Variants in KHDRBS3 observed in about 807,000 individuals in gnomAD.
The protein encoded by KHDRBS3 is KH RNA binding domain containing, signal transduction associated 3.
A neutral mutation model predicts 45.6 loss-of-function variants in KHDRBS3; 23 were observed. The ratio of observed to expected loss-of-function variants is 0.50; its 90% CI spans 0.36 to 0.72. KHDRBS3 has a LOEUF of 0.72. KHDRBS3 is among the 30% of genes least tolerant of loss of function. The pLI, the probability that KHDRBS3 is intolerant of heterozygous loss-of-function variation, is 0.00. For synonymous variants in KHDRBS3, 162 were observed against 156.5 expected, an observed-to-expected ratio of 1.04 and a Z score of -0.26; for missense variants, 352 against 424.8, an observed-to-expected ratio of 0.83 and a Z score of 1.51.
chr8:135,494,135 A>G (rs538223020), intron 1 of KHDRBS3, among the ~76,000 whole-genome samples: 8 of 151,914 alleles, frequency 5.3e-5, no homozygotes, highest in African/African-American at 1.9e-4. Flanking sequence ...TTTTTTCTTA[A>G]TCAGTCTGGC....
intron 1 of KHDRBS3, among the ~76,000 whole-genome samples, chr8:135,482,785 C>T (rs1233088859): frequency 1.3e-5 from 2 of 152,068 alleles, no homozygotes; most frequent in East Asian, 3.9e-4. Context: ...CACTTTGCAC[C>T]TCTGAAAAGT....
intron 2 of KHDRBS3, among the ~76,000 whole-genome samples, chr8:135,528,265 A>G (rs1825292531): frequency 6.6e-6 from 1 of 152,178 alleles, no homozygotes; most frequent in Non-Finnish European, 1.5e-5. Context: ...GAGATAAAAC[A>G]TGTCTGTTCC....
intron 5 of KHDRBS3, among the ~76,000 whole-genome samples, chr8:135,581,509 T>C (rs898571111): frequency 3.9e-5 from 6 of 152,150 alleles, no homozygotes; most frequent in Admixed American, 1.3e-4. Context: ...AGTTTCCTTG[T>C]CCTGAGATAA....
intron 2 of KHDRBS3, among the ~76,000 whole-genome samples, chr8:135,526,480 A>T (rs1274966955): frequency 6.6e-6 from 1 of 152,170 alleles, no homozygotes; most frequent in Non-Finnish European, 1.5e-5. Flanking sequence ...GCTTAGCATA[A>T]TGGAGCATAC....
chr8:135,474,412 T>G (rs1822167879), intron 1 of KHDRBS3, among the ~76,000 whole-genome samples: 1 of 152,240 alleles, frequency 6.6e-6, no homozygotes, highest in Non-Finnish European at 1.5e-5. Flanking sequence ...CAGTATGTCT[T>G]GTTTAGTTTC....
At chr8:135,628,137 C>T (rs762584096) in intron 7 of KHDRBS3, among the ~76,000 whole-genome samples, 3 of 152,006 alleles carry the variant, frequency 2.0e-5, no homozygotes, top group Non-Finnish European at 2.9e-5. Flanking sequence ...CAGGAATCTT[C>T]TCATGTCCCC....
At chr8:135,652,517 A>G (rs914560066), downstream of KHDRBS3, among the ~76,000 whole-genome samples, 2 of 152,234 alleles carry the variant, frequency 1.3e-5, no homozygotes, top group South Asian at 2.1e-4. Flanking sequence ...TCCAGCCCTG[A>G]TAGATTGAAA....
chr8:135,624,577 A>C (rs917728912), intron 7 of KHDRBS3, among the ~76,000 whole-genome samples: 1 of 152,222 alleles, frequency 6.6e-6, no homozygotes, highest in African/African-American at 2.4e-5. Context: ...GCACGGATGC[A>C]GTTGGCCAAT....
At chr8:135,548,192 C>A (rs1363888885) in intron 3 of KHDRBS3, among the ~76,000 whole-genome samples, 2 of 152,154 alleles carry the variant, frequency 1.3e-5, no homozygotes, top group Admixed American at 1.3e-4. Flanking sequence ...GTATACCAAG[C>A]ACTTCTCTAG....
chr8:135,596,145 A>G (rs559078097), intron 6 of KHDRBS3, among the ~76,000 whole-genome samples: 3 of 152,222 alleles, frequency 2.0e-5, no homozygotes, highest in Non-Finnish European at 4.4e-5. Context: ...TAAGAATGGT[A>G]CATAGCTAGT....
At chr8:135,627,659 GA>G (rs961867180) in intron 7 of KHDRBS3, among the ~76,000 whole-genome samples, 14 of 151,676 alleles carry the variant, frequency 9.2e-5, no homozygotes, top group Non-Finnish European at 1.3e-4. Flanking sequence ...TTATTTATCT[GA>G]AAAAAAATAG....
chr8:135,644,939 C>T, intron 7 of KHDRBS3, 120 bp from the exon 8 acceptor site: 3 of 1,019,576 alleles, frequency 2.9e-6, no homozygotes, highest in Non-Finnish European at 4.3e-6. Context: ...GTGGGAATTT[C>T]TTTGAATTTT....
At chr8:135,511,810 G>T (rs767540270) in intron 1 of KHDRBS3, among the ~76,000 whole-genome samples, 1 of 152,020 alleles carries the variant, frequency 6.6e-6, no homozygotes, top group East Asian at 1.9e-4. Flanking sequence ...CGCCCGTCTC[G>T]GCCTCCCAAA....
chr8:135,538,758 G>T (rs1323482996), intron 2 of KHDRBS3: 10 of 152,184 alleles, frequency 6.6e-5, no homozygotes, highest in Non-Finnish European at 1.5e-4. Context: ...TGGGACATCA[G>T]GAGGTGTTAT....
intron 7 of KHDRBS3, among the ~76,000 whole-genome samples, chr8:135,610,339 G>C (rs1418855117): frequency 6.6e-6 from 1 of 151,894 alleles, no homozygotes; most frequent in Non-Finnish European, 1.5e-5. Context: ...AGAGAAGTAG[G>C]TGACTAATCC....
intron 1 of KHDRBS3, among the ~76,000 whole-genome samples, chr8:135,462,895 A>G (rs1267438709): frequency 6.6e-6 from 1 of 152,218 alleles, no homozygotes; most frequent in Non-Finnish European, 1.5e-5. Context: ...TTAGTGAATG[A>G]TAGAAGGAGA....
chr8:135,463,906 C>T (rs1417624593), intron 1 of KHDRBS3, among the ~76,000 whole-genome samples: 2 of 152,126 alleles, frequency 1.3e-5, no homozygotes. Context: ...TTATAAAAGC[C>T]ACCAATTTGA....
intron 1 of KHDRBS3, among the ~76,000 whole-genome samples, chr8:135,507,796 T>C (rs1184598332): frequency 6.6e-6 from 1 of 152,224 alleles, no homozygotes; most frequent in Admixed American, 6.5e-5. Context: ...AGCTCTATGC[T>C]GAGATATTTC....
At chr8:135,508,154 A>C (rs765999938) in intron 1 of KHDRBS3, among the ~76,000 whole-genome samples, 1 of 152,240 alleles carries the variant, frequency 6.6e-6, no homozygotes, top group African/African-American at 2.4e-5. Flanking sequence ...TGGACATAGA[A>C]TGATAAATCC....
Sources: gnomAD v4.1 joint callset for allele counts (sites outside exome capture counted in the v4.1 genomes callset) on GRCh38, gnomAD v4.1.1 for gene constraint, MANE v1.5 for transcripts, NCBI Gene and HGNC (gene_info 2026-07-23, HGNC 2026-07-21) for gene names.